MORN1: variants seen among roughly 807,000 people sequenced by gnomAD.
MORN1 encodes the protein MORN repeat containing 1.
Under a neutral mutation model 61.9 loss-of-function variants are expected in MORN1, and 67 were observed. That is an observed-to-expected ratio of 1.08 (90% confidence interval 0.89 to 1.33). The LOEUF is 1.33. Among genes scored for constraint, MORN1 ranks in the 40% most tolerant of loss-of-function variants. MORN1 has a pLI of 0.00. For synonymous variants in MORN1, 301 were observed against 292.0 expected, an observed-to-expected ratio of 1.03 and a Z score of -0.31; for missense variants, 752 against 691.2, an observed-to-expected ratio of 1.09 and a Z score of -0.99.
At chr1:2,323,623 C>A in intron 13 of MORN1, 1 of 985,298 alleles carries the variant, frequency 1.0e-6, no homozygotes, top group Non-Finnish European at 1.2e-6. Context: ...CTTCTCCAGG[C>A]CCTCGCTGCA....
intron 6 of MORN1, among the ~76,000 whole-genome samples, chr1:2,381,934 C>T (rs528097279): frequency 9.2e-5 from 14 of 152,178 alleles, no homozygotes; most frequent in African/African-American, 2.4e-4. Context: ...CTGGTGGATG[C>T]GCTGAGCACC....
In MORN1 at chr1:2,358,650, C is replaced by CAAG. The variant is rs1250366052; in HGVS notation, c.810_811insCTT (p.Ser270_Glu271insLeu). The CAAG allele has an allele frequency of 2.5e-6, 4 of 1,614,014 alleles. No individual in the cohort carries two copies. In the Admixed American group the frequency reaches 6.7e-5, roughly 27 times the overall value. On this transcript the variant is annotated inframe_insertion, in exon 9 of 14. Coordinates refer to ENST00000378531, the MANE Select transcript of MORN1 (RefSeq NM_024848.3). Reference sequence around the variant, plus strand: ...CTGTCCACTTTGAAAAAGTTGACCTCAGAGTAGGCTGACAGCTGCACGTAT... The same window carrying CAAG: ...CTGTCCACTTTGAAAAAGTTGACCTCAAGAGAGTAGGCTGACAGCTGCACGTAT...
intron 10 of MORN1, among the ~76,000 whole-genome samples, chr1:2,345,835 ACAC>A (rs1641502128): frequency 7.8e-6 from 1 of 127,638 alleles, no homozygotes; most frequent in Admixed American, 7.4e-5. Context: ...GCGGCCACAC[ACAC>A]ACACACACAC....
intron 4 of MORN1, 95 bp downstream of exon 4, chr1:2,387,324 G>A: frequency 1.1e-6 from 1 of 885,820 alleles, no homozygotes; most frequent in Non-Finnish European, 1.9e-6. Context: ...AAGTCAGGCA[G>A]GCCCTCTCAG....
chr1:2,340,084 G>A (rs145310638), intron 10 of MORN1, among the ~76,000 whole-genome samples: 39 of 152,312 alleles, frequency 2.6e-4, no homozygotes, highest in Non-Finnish European at 5.3e-4. Flanking sequence ...CTTGTCCCCC[G>A]GTGTCATCGG....
chr1:2,390,842 G>A (rs1642638056), intron 1 of MORN1: 1 of 699,138 alleles, frequency 1.4e-6, no homozygotes, highest in African/African-American at 1.9e-5. Flanking sequence ...TCCGCTTCCT[G>A]GGTTCAAGCG....
intron 10 of MORN1, among the ~76,000 whole-genome samples, chr1:2,346,520 G>A (rs1021815502): frequency 3.9e-5 from 6 of 152,134 alleles, no homozygotes; most frequent in Admixed American, 6.5e-5. Context: ...TGAGTAGCTG[G>A]GATTACAGGC....
At chr1:2,345,857 A>G (rs1373952928) in intron 10 of MORN1, among the ~76,000 whole-genome samples, 2 of 99,902 alleles carry the variant, frequency 2.0e-5, no homozygotes, top group East Asian at 5.6e-4. Context: ...ACACACACAG[A>G]TGTTTGCTCT....
chr1:2,323,364 C>G (rs377596664), intron 13 of MORN1: 909 of 985,456 alleles, frequency 9.2e-4, no homozygotes, highest in Non-Finnish European at 1.0e-3. Flanking sequence ...ACCTTCCAGC[C>G]TTTGGCTCTC....
chr1:2,385,551 G>T, intron 5 of MORN1: 1 of 205,510 alleles, frequency 4.9e-6, no homozygotes, highest in Non-Finnish European at 8.9e-6. Flanking sequence ...ATTTTAATCG[G>T]GGGGGGGGGG....
At chr1:2,356,782 C>T (rs560394216) in intron 10 of MORN1, among the ~76,000 whole-genome samples, 2 of 152,336 alleles carry the variant, frequency 1.3e-5, no homozygotes, top group Admixed American at 6.5e-5. Context: ...TTGATGTGCA[C>T]TGCTCGCTGC....
intron 7 of MORN1, among the ~76,000 whole-genome samples, chr1:2,373,666 A>C (rs964269910): frequency 1.3e-5 from 2 of 152,134 alleles, no homozygotes; most frequent in Non-Finnish European, 2.9e-5. Flanking sequence ...TGCAGGGTGC[A>C]CTGTGTGCGT....
rs1296269187 is a variant in MORN1, at chr1:2,336,372, T to C, written c.1250+97A>G. 1.3e-5 allele frequency: 17 copies of C among 1,260,890 alleles called. No individual in the cohort carries two copies. The Admixed American group carries it at 3.7e-4, about 27-fold the overall frequency. The allele number at this position is 1,260,890 out of a possible 1,614,324, so 78.1% of individuals were successfully genotyped here. A position where few individuals can be genotyped will look rare whatever the true frequency, so the allele number is the denominator to read the frequency against. ...CTCACTGTCTTCCCAGACCAGGCCC[T>C]TGGCTCCCCTGGGCCTTCCCCGTCC... On this transcript the variant is annotated intron_variant, in intron 12 of 13. Coordinates refer to ENST00000378531, the MANE Select transcript of MORN1 (RefSeq NM_024848.3).
intron 13 of MORN1, chr1:2,323,752 G>A: frequency 2.0e-6 from 2 of 985,364 alleles, no homozygotes; most frequent in South Asian, 4.7e-5. Context: ...TTCAGCCACT[G>A]TGGGCCTTGA....
At position 2,336,769 on chromosome 1, in the gene MORN1, C is replaced by A; in HGVS notation, c.1118G>T (p.Gly373Val). ...GGGGTGGTACCCAGGCGGGGGCGGCCCCAGGAGGACATCTGTGAACTCGGC... is the reference window on the plus strand; with the variant it reads ...GGGGTGGTACCCAGGCGGGGGCGGCACCAGGAGGACATCTGTGAACTCGGC... The part of the protein sequence containing the change: ...GCAEFTDVLL[G>V]PPPPGYHPFL... Residue 373 changes from glycine to valine, a missense_variant, in exon 11 of 14, where the codon GGG becomes GTG. Gly to Val is a moderately radical substitution (Grantham distance 109, BLOSUM62 -3). Coordinates refer to ENST00000378531, the MANE Select transcript of MORN1 (RefSeq NM_024848.3). The A allele has an allele frequency of 6.2e-7, 1 of 1,604,576 alleles. No homozygotes were observed.
At chr1:2,383,087 C>T (rs887041623) in intron 6 of MORN1, among the ~76,000 whole-genome samples, 9 of 152,288 alleles carry the variant, frequency 5.9e-5, no homozygotes, top group African/African-American at 7.2e-5. Flanking sequence ...CCCCATGTGG[C>T]CCCATGCCAA....
Position 2,387,890 on chromosome 1 carries a change from C to T in MORN1, c.247+349G>A, listed in dbSNP as rs72923113. The T allele has an allele frequency of 6.4e-3, 2,692 of 421,128 alleles. 55 individuals are homozygous for T. The highest frequency in any genetic ancestry group is 0.049 in the African/African-American group (2,472 of 50,634). The allele number at this position is 421,128 out of a possible 1,614,324, so 26.1% of individuals were successfully genotyped here. A position where few individuals can be genotyped will look rare whatever the true frequency, so the allele number is the denominator to read the frequency against. On this transcript the variant is annotated intron_variant, in intron 3 of 13. Coordinates refer to ENST00000378531, the MANE Select transcript of MORN1 (RefSeq NM_024848.3). Reference sequence around the variant, plus strand: ...ACTGAGAACCCACCGACCCCTCTGGCGTGAGGGTCTGAGGTTCCTGGACAC... The same window carrying T: ...ACTGAGAACCCACCGACCCCTCTGGTGTGAGGGTCTGAGGTTCCTGGACAC...
chr1:2,370,102 G>C (rs1642081554), intron 8 of MORN1, among the ~76,000 whole-genome samples: 1 of 152,210 alleles, frequency 6.6e-6, no homozygotes, highest in Admixed American at 6.5e-5. Flanking sequence ...AAAGCAACAA[G>C]AATCCAGATA....
At chr1:2,321,642 C>T (rs1382341448) in intron 13 of MORN1, 63 bp from the exon 14 acceptor site, 31 of 1,422,366 alleles carry the variant, frequency 2.2e-5, no homozygotes, top group African/African-American at 4.4e-5. Context: ...CTGGCCTCAG[C>T]CCACTGCCCA....
Sources: gnomAD v4.1 joint callset for allele counts (sites outside exome capture counted in the v4.1 genomes callset) on GRCh38, gnomAD v4.1.1 for gene constraint, MANE v1.5 for transcripts, NCBI Gene and HGNC (gene_info 2026-07-23, HGNC 2026-07-21) for gene names.